The following VPS8 variants were observed in gnomAD, a reference collection of about 807,000 sequenced individuals.
VPS8 encodes the protein VPS8 subunit of CORVET complex, also known as vacuolar protein sorting-associated protein 8 homolog.
In VPS8, 129 loss-of-function variants were observed where a neutral mutation model predicts 216.4. The observed-to-expected ratio is 0.60, with a 90% CI of 0.52 to 0.69. VPS8 has a LOEUF of 0.69. VPS8 is among the 30% of genes least tolerant of loss of function. The probability of loss-of-function intolerance (pLI) is 0.00; values close to 1 mark genes in which losing one functional copy is unlikely to be tolerated. For missense variants in VPS8, 1,531 were observed against 1,683.5 expected (o/e 0.91, Z 1.59); for synonymous variants, 571 against 565.4 (o/e 1.01, Z -0.14).
rs1294041011 is a variant in VPS8, at chr3:184,845,759, A to T, written c.541+2514A>T. Among the ~76,000 whole-genome samples the T allele has an allele frequency of 4.6e-5, 7 of 151,632 alleles. No homozygotes were observed. The East Asian group carries it at 1.4e-3, about 29-fold the overall frequency. ...AACAAGAGCGAAACTCCGTCTCAAA[A>T]AAAAAAAAAAAAAAAATGTATGAAG... On this transcript the variant is annotated intron_variant, in intron 8 of 47. Coordinates refer to ENST00000625842, the MANE Select transcript of VPS8 (RefSeq NM_001009921.3).
chr3:184,824,821 A>T (rs1162661654), intron 2 of VPS8, 36 bp downstream of exon 2: 31 of 1,560,698 alleles, frequency 2.0e-5, no homozygotes, highest in Non-Finnish European at 2.4e-5. Flanking sequence ...GATAATGTTT[A>T]ACCAGTGTAG....
intron 42 of VPS8, among the ~76,000 whole-genome samples, chr3:184,986,573 C>T (rs1313890359): frequency 1.3e-5 from 2 of 152,174 alleles, no homozygotes; most frequent in Non-Finnish European, 2.9e-5. Flanking sequence ...ACTCACTTCT[C>T]ATGAAGGAGA....
At chr3:184,941,161 G>A (rs1211870128) in intron 36 of VPS8, among the ~76,000 whole-genome samples, 1 of 149,624 alleles carries the variant, frequency 6.7e-6, no homozygotes, top group East Asian at 1.9e-4. Context: ...ATCAGCTTTG[G>A]TTATTTCCGT....
chr3:185,027,405 G>A (rs1191418519), intron 46 of VPS8, among the ~76,000 whole-genome samples: 1 of 151,784 alleles, frequency 6.6e-6, no homozygotes, highest in Non-Finnish European at 1.5e-5. Flanking sequence ...ACCACGCCCG[G>A]CTAATTTTTT....
chr3:184,832,580 G>T, intron 3 of VPS8, 109 bp from the exon 4 acceptor site: 1 of 969,770 alleles, frequency 1.0e-6, no homozygotes. Flanking sequence ...GAATAGAGGC[G>T]AAAAGCAGAA....
intron 8 of VPS8, among the ~76,000 whole-genome samples, chr3:184,846,890 A>G (rs757193414): frequency 1.6e-4 from 25 of 152,252 alleles, no homozygotes; most frequent in Non-Finnish European, 3.2e-4. Flanking sequence ...CATGCAAAAC[A>G]TTATTTTAGG....
At chr3:184,867,122 A>G (rs1727507256) in intron 17 of VPS8, among the ~76,000 whole-genome samples, 172 bp downstream of exon 17, 1 of 152,132 alleles carries the variant, frequency 6.6e-6, no homozygotes, top group Non-Finnish European at 1.5e-5. Flanking sequence ...TTTTTCCTCT[A>G]CTTTTAGACA....
chr3:184,831,104 A>G (rs908966932), intron 3 of VPS8, among the ~76,000 whole-genome samples: 2 of 152,258 alleles, frequency 1.3e-5, no homozygotes, highest in African/African-American at 2.4e-5. Flanking sequence ...ATAGGAGGAC[A>G]CATAAGTTAG....
chr3:185,010,215 A>G (rs1754821598), intron 45 of VPS8, among the ~76,000 whole-genome samples: 1 of 152,238 alleles, frequency 6.6e-6, no homozygotes, highest in African/African-American at 2.4e-5. Flanking sequence ...GCTTAAAAGC[A>G]AAAACCTAAA....
intron 36 of VPS8, chr3:184,944,561 A>G (rs958142227): frequency 3.1e-5 from 31 of 985,322 alleles, no homozygotes; most frequent in Non-Finnish European, 3.7e-5. Flanking sequence ...TTGTGAGGCC[A>G]TGAGCTGCAT....
intron 25 of VPS8, among the ~76,000 whole-genome samples, chr3:184,910,909 T>G (rs1207123963): frequency 6.6e-6 from 1 of 152,202 alleles, no homozygotes; most frequent in Non-Finnish European, 1.5e-5. Flanking sequence ...GTAGTTACTT[T>G]CTGTATGATG....
chr3:184,892,800 T>C (rs1732616431), intron 22 of VPS8, among the ~76,000 whole-genome samples: 1 of 152,190 alleles, frequency 6.6e-6, no homozygotes, highest in Non-Finnish European at 1.5e-5. Flanking sequence ...AATTTTTAGC[T>C]CTCTTTAATT....
intron 46 of VPS8, among the ~76,000 whole-genome samples, chr3:185,030,264 A>G (rs892590098): frequency 3.3e-5 from 5 of 152,240 alleles, no homozygotes; most frequent in African/African-American, 1.2e-4. Context: ...AGAAACACCA[A>G]CCAAGAATGT....
intron 46 of VPS8, among the ~76,000 whole-genome samples, chr3:185,025,574 C>T (rs969182230): frequency 1.3e-5 from 2 of 152,172 alleles, no homozygotes; most frequent in Non-Finnish European, 2.9e-5. Context: ...CTATAACATA[C>T]TGCACATAAA....
intron 21 of VPS8, among the ~76,000 whole-genome samples, chr3:184,884,138 A>G (rs1578064192): frequency 6.6e-6 from 1 of 151,970 alleles, no homozygotes; most frequent in Non-Finnish European, 1.5e-5. Context: ...TTTGTTACAT[A>G]TGTATACATG....
chr3:184,991,566 CT>C (rs1751898063), intron 42 of VPS8, among the ~76,000 whole-genome samples: 1 of 152,180 alleles, frequency 6.6e-6, no homozygotes. Flanking sequence ...TTTAAGACCT[CT>C]TTGTTCTCCA....
chr3:185,052,086 C>A lies in VPS8; in HGVS notation c.*61C>A. 1 of 1,526,242 alleles carries A rather than the reference C, an allele frequency of 6.6e-7. No individual in the cohort carries two copies. Among genetic ancestry groups the A allele is most frequent in the South Asian group, 1.3e-5 (1 of 78,520 alleles). The allele number at this position is 1,526,242 out of a possible 1,614,324, so 94.5% of individuals were successfully genotyped here. A position where few individuals can be genotyped will look rare whatever the true frequency, so the allele number is the denominator to read the frequency against. ...TGATCCCGAGGCAGCTGGGGAGAGGCCCCGCCTCTGGTGGGCTTGGCCTCC... is the reference window on the plus strand; with the variant it reads ...TGATCCCGAGGCAGCTGGGGAGAGGACCCGCCTCTGGTGGGCTTGGCCTCC... On this transcript the variant is annotated 3_prime_UTR_variant, in exon 48 of 48. Transcript: ENST00000625842.
At position 184,928,434 on chromosome 3, in the gene VPS8, T is replaced by G. The variant is rs1237120146; in HGVS notation, c.2632-17T>G. On this transcript the variant is annotated splice_polypyrimidine_tract_variant and intron_variant, in intron 31 of 47. Coordinates refer to ENST00000625842, the MANE Select transcript of VPS8 (RefSeq NM_001009921.3). ...TAAATTCTCAAGTGTTTTTACTCAT[T>G]TATTGTAAATACTCAGGTCCTTTTA... 6.5e-7 allele frequency: 1 copy of G among 1,530,848 alleles called. No homozygotes were observed. Among genetic ancestry groups the G allele is most frequent in the Non-Finnish European group, 8.7e-7 (1 of 1,151,004 alleles). The allele number at this position is 1,530,848 out of a possible 1,614,324, so 94.8% of individuals were successfully genotyped here. A position where few individuals can be genotyped will look rare whatever the true frequency, so the allele number is the denominator to read the frequency against.
intron 39 of VPS8, among the ~76,000 whole-genome samples, chr3:184,968,463 TCC>T (rs1406314742): frequency 2.0e-5 from 3 of 152,230 alleles, no homozygotes; most frequent in Admixed American, 2.0e-4. Context: ...CATACTGTTT[TCC>T]CTAGTTGCTG....
Sources: allele counts gnomAD v4.1 joint callset (sites outside exome capture counted in the v4.1 genomes callset), GRCh38; gene constraint gnomAD v4.1.1; transcripts MANE v1.5; gene names NCBI Gene and HGNC (gene_info 2026-07-23, HGNC 2026-07-21).